Variants in XRCC4 observed in about 807,000 individuals in gnomAD.
XRCC4 encodes the protein DNA repair protein XRCC4.
In XRCC4, 28 loss-of-function variants were observed where a neutral mutation model predicts 39.1. The ratio of observed to expected loss-of-function variants is 0.72; its 90% CI spans 0.53 to 0.98. XRCC4 has a LOEUF of 0.98. XRCC4 is among the 50% of genes least tolerant of loss of function. The pLI is 0.00. For missense variants in XRCC4, 350 were observed against 376.4 expected, an observed-to-expected ratio of 0.93 and a Z score of 0.58; for synonymous variants, 123 against 126.4, an observed-to-expected ratio of 0.97 and a Z score of 0.18.
intron 3 of XRCC4, among the ~76,000 whole-genome samples, chr5:83,133,581 A>G (rs1411404402): frequency 6.6e-6 from 1 of 152,192 alleles, no homozygotes; most frequent in African/African-American, 2.4e-5. Context: ...CTCAAGCCTC[A>G]GCAATGGTGG....
chr5:83,296,676 TA>T (rs1755106234), intron 7 of XRCC4, among the ~76,000 whole-genome samples: 2 of 151,922 alleles, frequency 1.3e-5, no homozygotes, highest in Admixed American at 6.6e-5. Flanking sequence ...AAAAAACAAT[TA>T]AAGAAGAGCA....
chr5:83,364,808 C>T, the XRCC4 span, among the ~76,000 whole-genome samples: 3 of 152,340 alleles, frequency 2.0e-5, no homozygotes, highest in East Asian at 1.9e-4. Context: ...CAAAGCAGGA[C>T]GCTGACTTTG....
At chr5:83,080,806 A>G (rs969293290) in intron 1 of XRCC4, among the ~76,000 whole-genome samples, 15 of 152,220 alleles carry the variant, frequency 9.9e-5, no homozygotes, top group Admixed American at 9.2e-4. Context: ...TGGTTATGCC[A>G]AAGAGTAGCT....
At chr5:83,105,369 C>T (rs1026906392) in intron 2 of XRCC4, among the ~76,000 whole-genome samples, 5 of 151,960 alleles carry the variant, frequency 3.3e-5, no homozygotes, top group African/African-American at 1.2e-4. Context: ...TCTCAGGACC[C>T]CAGGGAAGAA....
At chr5:83,362,738 G>A in the XRCC4 span, among the ~76,000 whole-genome samples, 1 of 152,050 alleles carries the variant, frequency 6.6e-6, no homozygotes, top group Admixed American at 6.6e-5. Context: ...CAAATATTAA[G>A]TTAGGGGTTT....
intron 3 of XRCC4, among the ~76,000 whole-genome samples, chr5:83,116,231 T>C (rs773123525): frequency 6.6e-6 from 1 of 152,172 alleles, no homozygotes; most frequent in African/African-American, 2.4e-5. Context: ...AAAAATGACC[T>C]CCTAAACTTA....
At chr5:83,240,211 C>T (rs1752852919) in intron 6 of XRCC4, among the ~76,000 whole-genome samples, 1 of 152,040 alleles carries the variant, frequency 6.6e-6, no homozygotes, top group Non-Finnish European at 1.5e-5. Context: ...AAATATAGGA[C>T]ATATTCAAGG....
At chr5:83,086,392 G>A (rs964539733) in intron 1 of XRCC4, among the ~76,000 whole-genome samples, 3 of 152,156 alleles carry the variant, frequency 2.0e-5, no homozygotes, top group African/African-American at 7.2e-5. Context: ...TGTTTTGTGT[G>A]TTATATGCAT....
At chr5:83,355,640 T>C (rs1757181778), downstream of XRCC4, among the ~76,000 whole-genome samples, 1 of 152,170 alleles carries the variant, frequency 6.6e-6, no homozygotes, top group Non-Finnish European at 1.5e-5. Flanking sequence ...CACATAGGTG[T>C]TTTGTTTTGT....
chr5:83,288,309 A>G (rs975255764), intron 7 of XRCC4, among the ~76,000 whole-genome samples: 6 of 151,888 alleles, frequency 4.0e-5, no homozygotes, highest in African/African-American at 1.4e-4. Context: ...CAGGACAACT[A>G]TATCCTTTCT....
chr5:83,314,690 G>T (rs887118631), intron 7 of XRCC4, among the ~76,000 whole-genome samples: 2 of 151,974 alleles, frequency 1.3e-5, no homozygotes, highest in African/African-American at 4.8e-5. Flanking sequence ...ATCTGTTATG[G>T]TTATCTGTGA....
At chr5:83,329,473 A>T (rs73140212) in intron 7 of XRCC4, among the ~76,000 whole-genome samples, 3,094 of 151,658 alleles carry the variant, frequency 0.02, 109 homozygotes, top group African/African-American at 0.07. Context: ...AGACAATCCC[A>T]AAAGGAAAAG....
intron 7 of XRCC4, among the ~76,000 whole-genome samples, chr5:83,308,483 G>A (rs1755567844): frequency 6.6e-6 from 1 of 152,076 alleles, no homozygotes; most frequent in Non-Finnish European, 1.5e-5. Context: ...CGTGGATTTA[G>A]CCATTTACAA....
In XRCC4 at chr5:83,204,001, A is replaced by C. The variant is rs553280458; in HGVS notation, c.638+294A>C. Reference sequence around the variant, plus strand: ...GTAAGACATACTAATTTAAAAAAAAACTTTCATCTGCAGAACTACAAAAGT... The same window carrying C: ...GTAAGACATACTAATTTAAAAAAAACCTTTCATCTGCAGAACTACAAAAGT... On this transcript the variant is annotated intron_variant, in intron 5 of 7. Transcript: ENST00000396027. Among the ~76,000 whole-genome samples, 3 of 152,128 alleles carry C rather than the reference A, an allele frequency of 2.0e-5. 1 individual carries two copies. The highest frequency in any genetic ancestry group is 4.2e-4 in the South Asian group (2 of 4,818).
At chr5:83,230,442 G>A (rs2112814262) in intron 6 of XRCC4, among the ~76,000 whole-genome samples, 1 of 152,054 alleles carries the variant, frequency 6.6e-6, no homozygotes, top group East Asian at 1.9e-4. Context: ...TTTCTTTATG[G>A]CATGATATGT....
chr5:83,206,139 T>G (rs1751412755), intron 6 of XRCC4, among the ~76,000 whole-genome samples: 1 of 152,126 alleles, frequency 6.6e-6, no homozygotes, highest in African/African-American at 2.4e-5. Flanking sequence ...CTGAAGGATT[T>G]TAAACAGTCA....
intron 4 of XRCC4, among the ~76,000 whole-genome samples, chr5:83,198,069 C>G (rs1031881286): frequency 3.3e-5 from 5 of 152,066 alleles, no homozygotes; most frequent in African/African-American, 1.2e-4. Flanking sequence ...GGCAGTAGTT[C>G]TGATTAAGTG....
intron 3 of XRCC4, among the ~76,000 whole-genome samples, chr5:83,120,827 A>G (rs1191443873): frequency 6.6e-6 from 1 of 152,220 alleles, no homozygotes; most frequent in African/African-American, 2.4e-5. Flanking sequence ...TATAGAAAGT[A>G]TACAACTGGG....
chr5:83,187,944 G>T (rs577354044), intron 3 of XRCC4, among the ~76,000 whole-genome samples: 1 of 152,266 alleles, frequency 6.6e-6, no homozygotes, highest in East Asian at 1.9e-4. Context: ...GAGAAGTTTT[G>T]CAATGACAGG....
Sources: gnomAD v4.1 joint callset for allele counts (sites outside exome capture counted in the v4.1 genomes callset) on GRCh38, gnomAD v4.1.1 for gene constraint, MANE v1.5 for transcripts, NCBI Gene and HGNC (gene_info 2026-07-23, HGNC 2026-07-21) for gene names.